The following OGDH variants were observed in gnomAD, a reference collection of about 807,000 sequenced individuals.
OGDH encodes oxoglutarate dehydrogenase.
In OGDH, 38 loss-of-function variants were observed where a neutral mutation model predicts 116.6. The ratio of observed to expected loss-of-function variants is 0.33; its 90% CI spans 0.25 to 0.43. The LOEUF is 0.43. OGDH is among the 20% of genes least tolerant of loss of function. The pLI is 1.00. For synonymous variants in OGDH, 488 were observed against 533.3 expected (o/e 0.92, Z 1.17); for missense variants, 825 against 1,357.2 (o/e 0.61, Z 6.16).
At position 44,703,755 on chromosome 7, in the gene OGDH, C is replaced by T. The variant is rs140826455; in HGVS notation, c.2632+2140C>T. Among the ~76,000 whole-genome samples, 719 of 151,664 alleles carry T rather than the reference C, an allele frequency of 4.7e-3. 6 individuals carry two copies. Among genetic ancestry groups the T allele is most frequent in the African/African-American group, 0.016 (676 of 41,386 alleles). ...AATAAACTAGCCGGGGGTGGTGGCG[C>T]ATACCTGTAATCCCAGCTACTCAGG... On this transcript the variant is annotated intron_variant, in intron 20 of 22. Coordinates refer to ENST00000222673, the MANE Select transcript of OGDH (RefSeq NM_002541.4).
chr7:44,624,372 A>G lies in OGDH; in HGVS notation c.29A>G (p.Lys10Arg), dbSNP rs746503389. 1.1e-5 allele frequency: 18 copies of G among 1,608,200 alleles called. 1 individual carries two copies. Among genetic ancestry groups the G allele is most frequent in the Non-Finnish European group, 1.5e-5 (18 of 1,179,094 alleles). The change falls in exon 2 of 23, where the codon AAG (lysine) becomes AGG (arginine). Residue 10 changes from lysine (K) to arginine (R), a missense_variant. Physicochemically the swap from Lys to Arg is conservative, Grantham distance 26 (BLOSUM62 2). Transcript: ENST00000222673. ...TTTCATTTAAGGACTTGTGCTGCTA[A>G]GTTGAGGCCATTGACGGCTTCCCAG... MFHLRTCAAKLRPLTASQTV... is the reference protein window; with the variant it reads MFHLRTCAARLRPLTASQTV...
intron 14 of OGDH, 52 bp downstream of exon 14, chr7:44,696,609 G>A (rs770494821): frequency 5.2e-5 from 84 of 1,609,010 alleles, no homozygotes; most frequent in East Asian, 1.1e-4. Context: ...GGCCAGGGGC[G>A]ACGACTGTCT....
chr7:44,638,303 G>A (rs749327680), intron 2 of OGDH, among the ~76,000 whole-genome samples: 12 of 152,148 alleles, frequency 7.9e-5, no homozygotes, highest in East Asian at 1.9e-4. Context: ...CCCTGTCACC[G>A]CCCTGAGCCA....
At chr7:44,690,258 C>G (rs1425893394) in intron 10 of OGDH, among the ~76,000 whole-genome samples, 2 of 152,194 alleles carry the variant, frequency 1.3e-5, no homozygotes, top group Non-Finnish European at 2.9e-5. Flanking sequence ...TGGATTCCTC[C>G]TCATTGGAAG....
At chr7:44,619,806 G>A (rs1327382110) in intron 1 of OGDH, among the ~76,000 whole-genome samples, 4 of 151,948 alleles carry the variant, frequency 2.6e-5, no homozygotes, top group African/African-American at 9.7e-5. Context: ...GTGTTATATG[G>A]TGACTTTATG....
chr7:44,653,018 G>T (rs1396934864), intron 4 of OGDH, among the ~76,000 whole-genome samples: 1 of 152,172 alleles, frequency 6.6e-6, no homozygotes, highest in Non-Finnish European at 1.5e-5. Context: ...TGCCTAATTA[G>T]AAACAGTTAG....
At chr7:44,620,522 T>C (rs984531704) in intron 1 of OGDH, among the ~76,000 whole-genome samples, 8 of 152,254 alleles carry the variant, frequency 5.3e-5, no homozygotes, top group African/African-American at 1.9e-4. Context: ...TATATGTCTA[T>C]GCAACTTCAT....
intron 2 of OGDH, among the ~76,000 whole-genome samples, chr7:44,626,000 G>T (rs1049317795): frequency 6.6e-6 from 1 of 151,896 alleles, no homozygotes; most frequent in Admixed American, 6.6e-5. Flanking sequence ...TGGGGGGCGG[G>T]TATATTCCCA....
intron 5 of OGDH, 84 bp from the exon 6 acceptor site, chr7:44,673,700 CCTT>C (rs771850441): frequency 3.4e-4 from 452 of 1,326,342 alleles, no homozygotes; most frequent in Non-Finnish European, 4.4e-4. Context: ...CTTATCCCCT[CCTT>C]CTGGCTGAAT....
Position 44,707,823 on chromosome 7 carries a change from G to T in OGDH, c.2952-56G>T. 1.2e-6 allele frequency: 2 copies of T among 1,608,382 alleles called. No homozygotes were observed. Among genetic ancestry groups the T allele is most frequent in the Non-Finnish European group, 1.7e-6 (2 of 1,176,852 alleles). On this transcript the variant is annotated intron_variant, in intron 22 of 22. Coordinates refer to ENST00000222673, the MANE Select transcript of OGDH (RefSeq NM_002541.4). The surrounding 1 kb of genome is among the most constrained non-coding windows in gnomAD (Gnocchi z 5.2). ...AGCCAGGCACATGCAGCAGAGGGAT[G>T]GGCTGGGCCAACTCAGTGTCCCCTG...
chr7:44,624,664 C>A, intron 2 of OGDH, 99 bp downstream of exon 2: 1 of 1,018,284 alleles, frequency 9.8e-7, no homozygotes, highest in Non-Finnish European at 1.5e-6. Context: ...AGTCAGCGGG[C>A]AGACAGGCAG....
At position 44,698,221 on chromosome 7, in the gene OGDH, G is replaced by A; in HGVS notation, c.2388G>A (p.Glu796=). 2 of 1,614,186 alleles carry A rather than the reference G, an allele frequency of 1.2e-6. No individual in the cohort carries two copies. The highest frequency in any genetic ancestry group is 1.7e-6 in the Non-Finnish European group (2 of 1,180,046). The change falls in exon 18 of 23, where the codon GAG becomes GAA. Residue 796 remains glutamate (E), a synonymous_variant. Coordinates refer to ENST00000222673, the MANE Select transcript of OGDH (RefSeq NM_002541.4). ...MGPEHSSARP[E]RFLQMCNDDP... Reference sequence around the variant, plus strand: ...CAGAACATTCCTCCGCCCGCCCAGAGCGGTTCTTGCAGATGTGCAACGATG... The same window carrying A: ...CAGAACATTCCTCCGCCCGCCCAGAACGGTTCTTGCAGATGTGCAACGATG...
At chr7:44,611,993 C>T (rs1043264602) in intron 1 of OGDH, among the ~76,000 whole-genome samples, 1 of 152,058 alleles carries the variant, frequency 6.6e-6, no homozygotes, top group African/African-American at 2.4e-5. Flanking sequence ...CATATGTATA[C>T]ATGTGCCATG....
chr7:44,616,863 A>G (rs1246461882), intron 1 of OGDH, among the ~76,000 whole-genome samples: 2 of 93,094 alleles, frequency 2.1e-5, no homozygotes, highest in East Asian at 4.6e-4. Flanking sequence ...ATATACACAT[A>G]TATATATACG....
chr7:44,625,843 C>T (rs1033736907), intron 2 of OGDH, among the ~76,000 whole-genome samples: 1 of 151,942 alleles, frequency 6.6e-6, no homozygotes, highest in Non-Finnish European at 1.5e-5. Context: ...TGTGGTGGCA[C>T]ATGCCTGCAG....
intron 1 of OGDH, among the ~76,000 whole-genome samples, chr7:44,609,500 A>G (rs1379752360): frequency 2.2e-5 from 3 of 137,558 alleles, no homozygotes; most frequent in Non-Finnish European, 4.7e-5. Flanking sequence ...ACAGAGTGAG[A>G]CCCTGTCTCA....
chr7:44,685,814 G>A (rs575263356), intron 10 of OGDH, among the ~76,000 whole-genome samples: 102 of 151,714 alleles, frequency 6.7e-4, no homozygotes, highest in African/African-American at 2.4e-3. Flanking sequence ...TGTAGAGTTA[G>A]GGTCTCTCTA....
At chr7:44,647,348 C>T (rs1342308201) in intron 3 of OGDH, 6 of 761,228 alleles carry the variant, frequency 7.9e-6, no homozygotes, top group African/African-American at 1.8e-5. Context: ...GTGCTGTGTT[C>T]CTCTTTGGAA....
intron 9 of OGDH, among the ~76,000 whole-genome samples, chr7:44,679,901 C>G (rs1787856599): frequency 6.6e-6 from 1 of 152,184 alleles, no homozygotes; most frequent in Non-Finnish European, 1.5e-5. Context: ...CACTTGCCAG[C>G]CTGATTCCTT....
Sources: allele counts gnomAD v4.1 joint callset (sites outside exome capture counted in the v4.1 genomes callset), GRCh38; gene constraint gnomAD v4.1.1; non-coding constraint Gnocchi (gnomAD v3.1); transcripts MANE v1.5; gene names NCBI Gene and HGNC (gene_info 2026-07-23, HGNC 2026-07-21).